The following PKD1L1 variants were observed in gnomAD, a reference collection of about 807,000 sequenced individuals.
PKD1L1 encodes the protein polycystin 1 like 1, transient receptor potential channel interacting.
In PKD1L1, 236 loss-of-function variants were observed where a neutral mutation model predicts 323.4. The ratio of observed to expected loss-of-function variants is 0.73; its 90% CI spans 0.66 to 0.81. The LOEUF is 0.81. Ranked by LOEUF, PKD1L1 falls within the 40% of genes least tolerant of loss-of-function variation. PKD1L1 has a pLI of 0.00. For missense variants in PKD1L1, 3,320 were observed against 3,508.0 expected (o/e 0.95, Z 1.35); for synonymous variants, 1,344 against 1,335.0 (o/e 1.01, Z -0.15).
chr7:47,931,314 C>T lies in PKD1L1; in HGVS notation c.527G>A (p.Gly176Asp). The T allele has an allele frequency of 6.2e-7, 1 of 1,614,140 alleles. No individual in the cohort carries two copies. The highest frequency in any genetic ancestry group is 1.6e-4 in the Middle Eastern group (1 of 6,062). The change falls in exon 6 of 57, where the codon GGC becomes GAC. Residue 176 changes from glycine (G) to aspartate (D), a missense_variant. Transcript: ENST00000289672. ...STFSALLQLQ[G>D]TTSAAAPCSL... ...GCAGGGAGCTGCTGCAGAAGTGGTG[C>T]CCTGGAGCTTAAAAGTTTAAGAACA...
At chr7:47,864,621 TTTC>T (rs1266951307) in intron 26 of PKD1L1, among the ~76,000 whole-genome samples, 1 of 126,848 alleles carries the variant, frequency 7.9e-6, no homozygotes, top group Non-Finnish European at 1.6e-5. Flanking sequence ...TCTTTCTTTC[TTTC>T]TTTCTTTCTT....
At chr7:47,845,123 C>A in intron 32 of PKD1L1, 45 bp from the exon 33 acceptor site, 1 of 1,482,870 alleles carries the variant, frequency 6.7e-7, no homozygotes, top group South Asian at 1.2e-5. Context: ...GTGGAGAGAG[C>A]AGCTGTTGAC....
chr7:47,943,181 T>A lies in PKD1L1; in HGVS notation c.160+215A>T, dbSNP rs1179639125. 2.0e-3 allele frequency among the ~76,000 whole-genome samples: 199 copies of A among 98,250 alleles called. 3 individuals carry two copies. The highest frequency in any genetic ancestry group is 0.01 in the African/African-American group (182 of 17,736). 64.5% of individuals were successfully genotyped at this position (98,250 alleles called of 152,430 possible). ...AAAAAAAAATATATATATATATATA[T>A]ATATATATATATATATGTGTGTGTA... On this transcript the variant is annotated intron_variant, in intron 2 of 56. Transcript: ENST00000289672.
chr7:47,904,383 G>A lies in PKD1L1; in HGVS notation c.1926C>T (p.Tyr642=). 1.2e-6 allele frequency: 2 copies of A among 1,614,042 alleles called. No individual in the cohort carries two copies. The highest frequency in any genetic ancestry group is 1.1e-5 in the South Asian group (1 of 91,086). ...SLGSSSSSHV[Y]SREGEFTVEV... is the part of the protein sequence containing the mutation. Reference sequence around the variant, plus strand: ...GCCGCCTTGCAGTGGCTCACCTACTGTAGACATGGCTGCTGGAGCTGCTCC... The same window carrying A: ...GCCGCCTTGCAGTGGCTCACCTACTATAGACATGGCTGCTGGAGCTGCTCC... The change falls in exon 12 of 57, where the codon TAC becomes TAT. Residue 642 remains tyrosine, a synonymous_variant. Transcript: ENST00000289672.
chr7:47,875,285 C>G (rs1275810438), intron 23 of PKD1L1, among the ~76,000 whole-genome samples: 1 of 152,142 alleles, frequency 6.6e-6, no homozygotes, highest in East Asian at 1.9e-4. Flanking sequence ...GGCAAAGTTT[C>G]ATGAAGAAGA....
At chr7:47,869,403 T>C (rs574806537) in intron 24 of PKD1L1, among the ~76,000 whole-genome samples, 48 of 152,238 alleles carry the variant, frequency 3.2e-4, no homozygotes, top group African/African-American at 1.1e-3. Flanking sequence ...AATTAGGTTG[T>C]AAGTAAAAGG....
intron 21 of PKD1L1, among the ~76,000 whole-genome samples, chr7:47,880,276 A>ATTTTTTTTTTTTTTT (rs1786517544): frequency 1.3e-5 from 1 of 74,736 alleles, no homozygotes; most frequent in African/African-American, 7.0e-5. Context: ...ATATATATAT[A>ATTTTTTTTTTTTTTT]TATATATATT....
chr7:47,789,885 A>G (rs1292734788), intron 56 of PKD1L1, among the ~76,000 whole-genome samples: 1 of 151,872 alleles, frequency 6.6e-6, no homozygotes, highest in Non-Finnish European at 1.5e-5. Context: ...CCTCTATTTT[A>G]TTTTATTTAT....
chr7:47,792,816 G>A lies in PKD1L1; in HGVS notation c.8356-19C>T. On this transcript the variant is annotated intron_variant, in intron 55 of 56. Coordinates refer to ENST00000289672, the MANE Select transcript of PKD1L1 (RefSeq NM_138295.5). ...AGTAATTCTGAAGGGAAGAAAATTAGATTAGTAAATGCATTCAAGAATCTC... is the reference window on the plus strand; with the variant it reads ...AGTAATTCTGAAGGGAAGAAAATTAAATTAGTAAATGCATTCAAGAATCTC... 6.3e-7 allele frequency: 1 copy of A among 1,599,904 alleles called. No homozygotes were observed. The highest frequency in any genetic ancestry group is 1.1e-5 in the South Asian group (1 of 90,374).
intron 21 of PKD1L1, among the ~76,000 whole-genome samples, chr7:47,880,276 A>ATTTTTTTTTTT (rs1786517544): frequency 4.0e-5 from 3 of 74,790 alleles, no homozygotes; most frequent in African/African-American, 7.0e-5. Context: ...ATATATATAT[A>ATTTTTTTTTTT]TATATATATT....
intron 6 of PKD1L1, among the ~76,000 whole-genome samples, chr7:47,930,105 T>C (rs773186888): frequency 9.2e-5 from 14 of 152,166 alleles, no homozygotes; most frequent in Non-Finnish European, 1.8e-4. Flanking sequence ...GAGTAAAGCA[T>C]ATGGTGTTGG....
intron 24 of PKD1L1, among the ~76,000 whole-genome samples, chr7:47,872,795 T>G (rs1362667317): frequency 6.6e-6 from 1 of 152,244 alleles, no homozygotes; most frequent in African/African-American, 2.4e-5. Context: ...CATAGGACAC[T>G]GTTTCCATTC....
Position 47,898,167 on chromosome 7 carries a change from C to T in PKD1L1, c.2092G>A (p.Gly698Arg). Residue 698 changes from glycine (G) to arginine (R), a missense_variant, in exon 14 of 57, where the codon GGA (glycine) becomes AGA (arginine). Gly to Arg is a moderately radical substitution (Grantham distance 125, BLOSUM62 -2). Coordinates refer to ENST00000289672, the MANE Select transcript of PKD1L1 (RefSeq NM_138295.5). Reference sequence around the variant, plus strand: ...AAGACTGCAGCTTCAAACGTCACTCCCAGCCTCACAGGCTGAGACCTCCAT... The same window carrying T: ...AAGACTGCAGCTTCAAACGTCACTCTCAGCCTCACAGGCTGAGACCTCCAT... ...QIWRSQPVRL[G>R]VTFEAAVFCD... 2 of 1,614,002 alleles carry T rather than the reference C, an allele frequency of 1.2e-6. No homozygotes were observed. Among genetic ancestry groups the T allele is most frequent in the Non-Finnish European group, 1.7e-6 (2 of 1,179,894 alleles).
intron 7 of PKD1L1, among the ~76,000 whole-genome samples, chr7:47,917,977 T>G (rs1787463740): frequency 6.6e-6 from 1 of 152,134 alleles, no homozygotes; most frequent in East Asian, 1.9e-4. Context: ...GAATGGTACC[T>G]CACATCTCGA....
intron 26 of PKD1L1, among the ~76,000 whole-genome samples, chr7:47,864,796 G>T (rs1169829506): frequency 1.3e-5 from 2 of 149,688 alleles, no homozygotes; most frequent in East Asian, 4.0e-4. Flanking sequence ...TCGGCTCACT[G>T]CAACCTCCGC....
chr7:47,824,002 T>C (rs371286422), intron 45 of PKD1L1, among the ~76,000 whole-genome samples: 1 of 152,262 alleles, frequency 6.6e-6, no homozygotes, highest in Non-Finnish European at 1.5e-5. Flanking sequence ...GTTTGACCAA[T>C]GTGAGCCTCT....
chr7:47,818,237 G>C (rs1785064104), intron 46 of PKD1L1: 1 of 1,313,522 alleles, frequency 7.6e-7, no homozygotes, highest in Non-Finnish European at 1.0e-6. Context: ...CCAAAGGAAA[G>C]GAAGAATGAG....
At chr7:47,889,046 G>C (rs1005982454) in intron 16 of PKD1L1, among the ~76,000 whole-genome samples, 2 of 152,138 alleles carry the variant, frequency 1.3e-5, no homozygotes, top group Non-Finnish European at 2.9e-5. Flanking sequence ...AGGAGCCATG[G>C]TGGGAGAGGC....
At chr7:47,892,873 T>C (rs1026852975) in intron 15 of PKD1L1, among the ~76,000 whole-genome samples, 9 of 151,306 alleles carry the variant, frequency 5.9e-5, no homozygotes, top group Non-Finnish European at 1.3e-4. Flanking sequence ...GTGGAACTGA[T>C]GTTTAAGGGA....
Sources: gnomAD v4.1 joint callset for allele counts (sites outside exome capture counted in the v4.1 genomes callset) on GRCh38, gnomAD v4.1.1 for gene constraint, MANE v1.5 for transcripts, NCBI Gene and HGNC (gene_info 2026-07-23, HGNC 2026-07-21) for gene names.